Variants in ST18 observed in about 807,000 individuals in gnomAD.
ST18 encodes suppression of tumorigenicity 18 protein.
ST18 carries 50 observed loss-of-function variants against 110.0 expected under a neutral mutation model. That is an observed-to-expected ratio of 0.45 (90% CI 0.36 to 0.58). ST18 has a LOEUF of 0.58. Among genes scored for constraint, ST18 ranks in the 20% least tolerant of loss-of-function variants. The probability of loss-of-function intolerance (pLI) is 0.00; values close to 1 mark genes in which losing one functional copy is unlikely to be tolerated. For synonymous variants in ST18, 461 were observed against 452.4 expected (o/e 1.02, Z -0.24); for missense variants, 1,306 against 1,280.1 (o/e 1.02, Z -0.31).
chr8:52,304,758 C>T (rs1000067850), intron 2 of ST18, among the ~76,000 whole-genome samples: 2 of 152,122 alleles, frequency 1.3e-5, no homozygotes, highest in African/African-American at 4.8e-5. Flanking sequence ...AGATCAAGCT[C>T]CTGGAATAGC....
chr8:52,220,312 G>T (rs1206665635), intron 5 of ST18, among the ~76,000 whole-genome samples: 1 of 152,086 alleles, frequency 6.6e-6, no homozygotes, highest in African/African-American at 2.4e-5. Flanking sequence ...TTACTTTTTA[G>T]TGTTTGCATA....
intron 2 of ST18, among the ~76,000 whole-genome samples, chr8:52,343,601 C>T (rs1354000350): frequency 1.3e-5 from 2 of 152,182 alleles, no homozygotes; most frequent in African/African-American, 2.4e-5. Flanking sequence ...AAGGACAGAG[C>T]AGCTATGACC....
At chr8:52,131,327 T>C (rs902478931) in intron 22 of ST18, among the ~76,000 whole-genome samples, 1 of 152,134 alleles carries the variant, frequency 6.6e-6, no homozygotes, top group Non-Finnish European at 1.5e-5. Context: ...TTAGGTGGAA[T>C]GTGAACCAAA....
chr8:52,399,277 G>A (rs1279880204), intron 2 of ST18, among the ~76,000 whole-genome samples: 2 of 151,786 alleles, frequency 1.3e-5, no homozygotes. Context: ...TGTGTCTGTT[G>A]TAATGTCTCC....
intron 2 of ST18, among the ~76,000 whole-genome samples, chr8:52,234,728 GGTGTGTGTGTGT>G (rs3054614): frequency 6.5e-4 from 95 of 145,708 alleles, no homozygotes; most frequent in East Asian, 3.4e-3. Context: ...AAGAAACTAT[GGTGTGTGTGTGT>G]GTGTGTGTGT....
intron 8 of ST18, among the ~76,000 whole-genome samples, chr8:52,181,742 A>G (rs1320076796): frequency 6.6e-6 from 1 of 152,176 alleles, no homozygotes; most frequent in African/African-American, 2.4e-5. Context: ...GGAAGTGAGG[A>G]CCAACATGGA....
chr8:52,335,660 T>C (rs936466408), intron 2 of ST18, among the ~76,000 whole-genome samples: 1 of 152,218 alleles, frequency 6.6e-6, no homozygotes, highest in African/African-American at 2.4e-5. Flanking sequence ...TGTGGTGTCA[T>C]GTCAGCACTC....
At chr8:52,274,361 T>A (rs1263492546) in intron 2 of ST18, among the ~76,000 whole-genome samples, 1 of 152,148 alleles carries the variant, frequency 6.6e-6, no homozygotes, top group Non-Finnish European at 1.5e-5. Flanking sequence ...CACGTGTATA[T>A]ACATATATAT....
chr8:52,226,486 A>G (rs1300878646), intron 3 of ST18, among the ~76,000 whole-genome samples: 1 of 152,180 alleles, frequency 6.6e-6, no homozygotes, highest in Non-Finnish European at 1.5e-5. Context: ...TAGTGGGAAA[A>G]CTTTAATTTT....
At chr8:52,351,876 A>T (rs1464479861) in intron 2 of ST18, among the ~76,000 whole-genome samples, 8 of 152,176 alleles carry the variant, frequency 5.3e-5, no homozygotes, top group Non-Finnish European at 2.9e-5. Flanking sequence ...AAAAACAATA[A>T]CTTCATGTTA....
intron 5 of ST18, among the ~76,000 whole-genome samples, chr8:52,220,174 T>C (rs2086099594): frequency 6.6e-6 from 1 of 152,198 alleles, no homozygotes; most frequent in Non-Finnish European, 1.5e-5. Context: ...TAAAAGGGCC[T>C]TTACAATTTT....
At chr8:52,114,339 G>A (rs2041718105) in intron 25 of ST18, among the ~76,000 whole-genome samples, 1 of 151,968 alleles carries the variant, frequency 6.6e-6, no homozygotes, top group Admixed American at 6.6e-5. Context: ...GCACATGCTG[G>A]ATACATGTAA....
At chr8:52,405,096 T>C (rs1844010040) in intron 2 of ST18, 1 of 152,232 alleles carries the variant, frequency 6.6e-6, no homozygotes, top group Admixed American at 6.5e-5. Flanking sequence ...AGAATATTCA[T>C]TCAGTTATTG....
intron 2 of ST18, among the ~76,000 whole-genome samples, chr8:52,337,518 A>G (rs1812697248): frequency 1.3e-5 from 2 of 152,236 alleles, no homozygotes; most frequent in South Asian, 4.1e-4. Context: ...AAGGACTCAG[A>G]CTGGTGATGT....
At chr8:52,190,725 C>T (rs751457941) in intron 8 of ST18, among the ~76,000 whole-genome samples, 3 of 152,108 alleles carry the variant, frequency 2.0e-5, no homozygotes, top group Non-Finnish European at 2.9e-5. Flanking sequence ...TGAAGGGACC[C>T]GGAGAATCTG....
chr8:52,277,622 A>G (rs1173196793), intron 2 of ST18, among the ~76,000 whole-genome samples: 1 of 152,248 alleles, frequency 6.6e-6, no homozygotes, highest in African/African-American at 2.4e-5. Context: ...AACATGCTAA[A>G]CATATAAAAT....
chr8:52,140,357 C>G (rs1432930463), intron 17 of ST18, among the ~76,000 whole-genome samples: 2 of 152,124 alleles, frequency 1.3e-5, no homozygotes. Flanking sequence ...TGGCGAAACC[C>G]TGTCTCTACT....
At chr8:52,144,332 AT>A (rs1407859415) in intron 16 of ST18, among the ~76,000 whole-genome samples, 2 of 152,090 alleles carry the variant, frequency 1.3e-5, no homozygotes, top group Non-Finnish European at 1.5e-5. Context: ...GTTCAAAATA[AT>A]TTTTTTAAAT....
intron 8 of ST18, among the ~76,000 whole-genome samples, chr8:52,191,792 A>C (rs2074583098): frequency 6.6e-6 from 1 of 152,136 alleles, no homozygotes; most frequent in Admixed American, 6.5e-5. Flanking sequence ...GAGGTAAGAA[A>C]ATATGCGGGC....
Sources: gnomAD v4.1 joint callset for allele counts (sites outside exome capture counted in the v4.1 genomes callset) on GRCh38, gnomAD v4.1.1 for gene constraint, MANE v1.5 for transcripts, NCBI Gene and HGNC (gene_info 2026-07-23, HGNC 2026-07-21) for gene names.